The following RTL4 variants were observed in gnomAD, a reference collection of about 807,000 sequenced individuals.
RTL4 encodes the protein retrotransposon Gag like 4, also known as retrotransposon Gag-like protein 4.
RTL4 carries 4 observed loss-of-function variants against 5.3 expected under a neutral mutation model. The observed-to-expected ratio is 0.75, with a 90% CI of 0.37 to 1.72. RTL4 has a LOEUF of 1.72. Among genes scored for constraint, RTL4 ranks in the 40% most tolerant of loss-of-function variants. The probability of loss-of-function intolerance (pLI) is 0.04; values close to 1 mark genes in which losing one functional copy is unlikely to be tolerated. For missense variants in RTL4, 260 were observed against 227.1 expected (o/e 1.14, Z -0.93); for synonymous variants, 98 against 87.3 (o/e 1.12, Z -0.68).
the RTL4 span, among the ~76,000 whole-genome samples, chrX:112,301,746 T>G: frequency 9.2e-6 from 1 of 108,474 alleles, no homozygotes; most frequent in South Asian, 4.1e-4. Flanking sequence ...GAGTATCACT[T>G]GAGTCCAGAA....
the RTL4 span, among the ~76,000 whole-genome samples, chrX:112,407,516 T>C: frequency 2.7e-5 from 3 of 112,336 alleles, no homozygotes; most frequent in African/African-American, 9.7e-5. Context: ...TACTAAGGTT[T>C]TTGACTGCAG....
At chrX:112,244,159 G>T in the RTL4 span, among the ~76,000 whole-genome samples, 1 of 112,038 alleles carries the variant, frequency 8.9e-6, no homozygotes, top group Non-Finnish European at 1.9e-5. Context: ...GTGCTGAGAA[G>T]AATGTATATT....
chrX:112,431,595 T>C, the RTL4 span, among the ~76,000 whole-genome samples: 1 of 111,960 alleles, frequency 8.9e-6, no homozygotes, highest in Non-Finnish European at 1.9e-5. Context: ...TCCATCTGCC[T>C]GTCTGTCTCT....
At chrX:112,139,560 T>G in the RTL4 span, among the ~76,000 whole-genome samples, 1 of 112,686 alleles carries the variant, frequency 8.9e-6, no homozygotes, top group African/African-American at 3.2e-5. Context: ...CAACTGGTAC[T>G]GTGGTGTTCT....
the RTL4 span, among the ~76,000 whole-genome samples, chrX:112,401,534 G>A: frequency 8.9e-6 from 1 of 111,825 alleles, no homozygotes; most frequent in Non-Finnish European, 1.9e-5. Flanking sequence ...TACCCAGTTA[G>A]GTAATCTTAG....
At chrX:112,175,128 G>T in the RTL4 span, among the ~76,000 whole-genome samples, 3 of 107,623 alleles carry the variant, frequency 2.8e-5, no homozygotes, top group Admixed American at 3.0e-4. Flanking sequence ...CATTGCCTTT[G>T]GTATTTTAGA....
At chrX:112,116,663 G>A in the RTL4 span, among the ~76,000 whole-genome samples, 25 of 111,226 alleles carry the variant, frequency 2.2e-4, no homozygotes, top group Admixed American at 8.6e-4. Context: ...TGATTGGTGC[G>A]TTTTATAATC....
chrX:112,242,699 C>T, the RTL4 span, among the ~76,000 whole-genome samples: 1 of 111,241 alleles, frequency 9.0e-6, no homozygotes, highest in South Asian at 3.8e-4. Context: ...TTTTCTCTTA[C>T]CTGATTTCCC....
the RTL4 span, among the ~76,000 whole-genome samples, chrX:112,403,346 G>C: frequency 1.8e-5 from 2 of 111,949 alleles, no homozygotes; most frequent in Non-Finnish European, 3.8e-5. Context: ...AATAATCAAA[G>C]GCATGTCAAT....
the RTL4 span, among the ~76,000 whole-genome samples, chrX:112,243,566 A>T: frequency 9.0e-6 from 1 of 110,786 alleles, no homozygotes; most frequent in Non-Finnish European, 1.9e-5. Context: ...TTTTTATTGC[A>T]TCTATCTAAT....
chrX:112,349,365 T>C, the RTL4 span, among the ~76,000 whole-genome samples: 1 of 111,418 alleles, frequency 9.0e-6, no homozygotes, highest in Non-Finnish European at 1.9e-5. Context: ...AGCCTTTTTT[T>C]TCTTTAAACA....
At chrX:112,358,994 G>A in the RTL4 span, among the ~76,000 whole-genome samples, 1 of 111,634 alleles carries the variant, frequency 9.0e-6, no homozygotes, top group African/African-American at 3.3e-5. Flanking sequence ...TCAGTGCATC[G>A]TGGCTGGGAG....
At chrX:112,325,096 T>C in the RTL4 span, among the ~76,000 whole-genome samples, 19 of 111,502 alleles carry the variant, frequency 1.7e-4, no homozygotes, top group East Asian at 5.4e-3. Flanking sequence ...TTACAAGGGA[T>C]GTGAAGGACC....
At chrX:112,411,004 A>C in the RTL4 span, among the ~76,000 whole-genome samples, 7 of 111,923 alleles carry the variant, frequency 6.3e-5, no homozygotes, top group Non-Finnish European at 1.3e-4. Context: ...GAGAGGTCTC[A>C]AATAAATAAA....
chrX:112,179,480 G>A, the RTL4 span, among the ~76,000 whole-genome samples: 5 of 111,921 alleles, frequency 4.5e-5, no homozygotes, highest in Non-Finnish European at 9.4e-5. Context: ...TCACCAAGCC[G>A]AATCTGGTAT....
the RTL4 span, among the ~76,000 whole-genome samples, chrX:112,288,810 T>C: frequency 0.041 from 4,583 of 111,356 alleles, 258 homozygotes; most frequent in African/African-American, 0.14. Context: ...ACTCTTAAGC[T>C]CTATTAGAAG....
At chrX:112,353,376 A>G in the RTL4 span, among the ~76,000 whole-genome samples, 1 of 111,538 alleles carries the variant, frequency 9.0e-6, no homozygotes, top group Non-Finnish European at 1.9e-5. Context: ...ATAAACACAC[A>G]TGCACATGTA....
At chrX:112,290,809 A>G in the RTL4 span, among the ~76,000 whole-genome samples, 5 of 112,219 alleles carry the variant, frequency 4.5e-5, no homozygotes, top group South Asian at 3.7e-4. Context: ...CTTTTCTTCT[A>G]CATCTCATTG....
the RTL4 span, among the ~76,000 whole-genome samples, chrX:112,374,058 A>C: frequency 9.0e-6 from 1 of 110,702 alleles, no homozygotes; most frequent in Non-Finnish European, 1.9e-5. Context: ...TTTATTGCTA[A>C]TGTTTTTGAG....
Sources: gnomAD v4.1 joint callset for allele counts (sites outside exome capture counted in the v4.1 genomes callset) on GRCh38, gnomAD v4.1.1 for gene constraint, MANE v1.5 for transcripts, NCBI Gene and HGNC (gene_info 2026-07-23, HGNC 2026-07-21) for gene names.